The following ZNF155 variants were observed in gnomAD, a reference collection of about 807,000 sequenced individuals.
ZNF155 encodes the protein zinc finger protein 155.
Under a neutral mutation model 11.9 loss-of-function variants are expected in ZNF155, and 15 were observed. The observed-to-expected ratio is 1.26, with a 90% confidence interval of 0.84 to 1.94. ZNF155 has a LOEUF of 1.94. Ranked by LOEUF, ZNF155 falls within the 30% of genes most tolerant of loss-of-function variation. ZNF155 has a pLI of 0.00. For missense variants in ZNF155, 602 were observed against 639.1 expected (o/e 0.94, Z 0.63); for synonymous variants, 212 against 219.9 (o/e 0.96, Z 0.32).
chr19:43,988,185 A>C (rs1238489165), intron 1 of ZNF155, among the ~76,000 whole-genome samples: 2 of 152,162 alleles, frequency 1.3e-5, no homozygotes, highest in African/African-American at 4.8e-5. Flanking sequence ...TTCTCTCTAT[A>C]TACCATTATC....
At chr19:43,990,016 C>A (rs962373627) in intron 2 of ZNF155, 16 of 1,462,222 alleles carry the variant, frequency 1.1e-5, no homozygotes, top group African/African-American at 2.9e-5. Context: ...ATTTGTTCCC[C>A]AAATCAGATT....
chr19:43,988,335 C>A (rs391267), intron 1 of ZNF155, 124 bp from the exon 2 acceptor site: 1 of 419,362 alleles, frequency 2.4e-6, no homozygotes, highest in Non-Finnish European at 4.3e-6. Flanking sequence ...GATACACCAC[C>A]ATTTGCCTAT....
intron 4 of ZNF155, among the ~76,000 whole-genome samples, chr19:43,993,661 G>A (rs936831178): frequency 3.3e-5 from 5 of 152,102 alleles, no homozygotes; most frequent in African/African-American, 4.8e-5. Flanking sequence ...TGATCCACCC[G>A]CCTCGGCCTC....
Position 43,988,487 on chromosome 19 carries a change from CCTT to C in ZNF155, c.-55_-53del. On this transcript the variant is annotated 5_prime_UTR_variant, in exon 2 of 5. Coordinates refer to ENST00000270014, the MANE Select transcript of ZNF155 (RefSeq NM_198089.3). ...GTGGCACGTTTCAGGCAGGATTCCT[CCTT>C]CATTCAAACTGCATCACCCAGGAGT... 2 of 1,569,132 alleles carry C rather than the reference CCTT, an allele frequency of 1.3e-6. No individual in the cohort carries two copies. The highest frequency in any genetic ancestry group is 2.3e-5 in the East Asian group (1 of 44,290).
chr19:43,991,800 AG>A (rs1207404184), intron 3 of ZNF155, 41 bp from the exon 4 acceptor site: 1 of 1,607,948 alleles, frequency 6.2e-7, no homozygotes, highest in Admixed American at 1.7e-5. Context: ...AATATTACCC[AG>A]AATGTGTTGG....
At chr19:43,988,095 T>C (rs1975522918) in intron 1 of ZNF155, among the ~76,000 whole-genome samples, 1 of 152,208 alleles carries the variant, frequency 6.6e-6, no homozygotes, top group Non-Finnish European at 1.5e-5. Context: ...GAGACCAGCT[T>C]GGACAACATA....
chr19:43,987,239 A>G (rs1193989912), intron 1 of ZNF155, among the ~76,000 whole-genome samples: 2 of 152,158 alleles, frequency 1.3e-5, no homozygotes, highest in Non-Finnish European at 2.9e-5. Context: ...TTTTTCATTT[A>G]TAGTCCTCAC....
In ZNF155 at chr19:43,991,462, A is replaced by T. The variant is rs548363292; in HGVS notation, c.16-86A>T. On this transcript the variant is annotated intron_variant, in intron 2 of 4. Transcript: ENST00000270014. ...CCCTCAATACTGAGAACAACTTTCCACTCATCCCCTTCCCCTGCTCAATGC... is the reference window on the plus strand; with the variant it reads ...CCCTCAATACTGAGAACAACTTTCCTCTCATCCCCTTCCCCTGCTCAATGC... The T allele has an allele frequency of 8.1e-6, 13 of 1,598,778 alleles. No individual in the cohort carries two copies. In the East Asian group the frequency reaches 2.9e-4, roughly 36 times the overall value.
intron 4 of ZNF155, among the ~76,000 whole-genome samples, chr19:43,992,327 A>G (rs36044624): frequency 0.11 from 17,484 of 152,204 alleles, 1,238 homozygotes; most frequent in East Asian, 0.19. Context: ...TGTCCTGCCA[A>G]GGACACTGTA....
chr19:43,997,758 G>T lies in ZNF155; in HGVS notation c.*284G>T. 1 of 325,544 alleles carries T rather than the reference G, an allele frequency of 3.1e-6. No individual in the cohort carries two copies. Among genetic ancestry groups the T allele is most frequent in the Non-Finnish European group, 5.6e-6 (1 of 179,070 alleles). 20.2% of individuals were successfully genotyped at this position (325,544 alleles called of 1,614,324 possible). ...TAAGGGAACTAGCACAGGGGATTGT[G>T]CCTGGAGACATGCCCATGGCTGCAC... On this transcript the variant is annotated 3_prime_UTR_variant, in exon 5 of 5. Coordinates refer to ENST00000270014, the MANE Select transcript of ZNF155 (RefSeq NM_198089.3).
At chr19:43,994,006 T>G (rs1195941548) in intron 4 of ZNF155, among the ~76,000 whole-genome samples, 1 of 152,238 alleles carries the variant, frequency 6.6e-6, no homozygotes, top group Non-Finnish European at 1.5e-5. Flanking sequence ...AATGACCACT[T>G]TCCTGCTTGT....
chr19:43,986,592 G>A (rs1402701365), intron 1 of ZNF155, among the ~76,000 whole-genome samples: 2 of 151,936 alleles, frequency 1.3e-5, no homozygotes, highest in Non-Finnish European at 2.9e-5. Context: ...TGGGACTACA[G>A]GTGCCGGCCA....
At position 43,990,224 on chromosome 19, in the gene ZNF155, AGT is replaced by A; in HGVS notation, c.16-1323_16-1322del. 9.9e-6 allele frequency: 3 copies of A among 304,444 alleles called. No homozygotes were observed. The East Asian group carries it at 3.9e-4, about 40-fold the overall frequency. 18.9% of individuals were successfully genotyped at this position (304,444 alleles called of 1,614,324 possible). ...AAATTATTATTTTAAACAATGAGAG[AGT>A]AAGATGTTCTTACATCTTGCTACAT... On this transcript the variant is annotated intron_variant, in intron 2 of 4. Coordinates refer to ENST00000270014, the MANE Select transcript of ZNF155 (RefSeq NM_198089.3).
rs758819588 is a variant in ZNF155, at chr19:43,991,827, C to G, written c.143-15C>G. ...AATGTGTTGGGATTCAGCACGTGAC[C>G]TTACCTATTCACAGGGCATCAACCG... On this transcript the variant is annotated splice_polypyrimidine_tract_variant and intron_variant, in intron 3 of 4. Coordinates refer to ENST00000270014, the MANE Select transcript of ZNF155 (RefSeq NM_198089.3). 6.2e-7 allele frequency: 1 copy of G among 1,611,898 alleles called. No individual in the cohort carries two copies. Among genetic ancestry groups the G allele is most frequent in the South Asian group, 1.1e-5 (1 of 90,798 alleles).
chr19:43,997,053 G>T lies in ZNF155; in HGVS notation c.1196G>T (p.Ser399Ile), dbSNP rs550090800. 3.7e-6 allele frequency: 6 copies of T among 1,613,752 alleles called. No homozygotes were observed. Among genetic ancestry groups the T allele is most frequent in the East Asian group, 4.5e-5 (2 of 44,890 alleles). ...NHQRVHSGEK[S>I]FKCEECGKGF... ...CAGCGAGTCCACAGTGGAGAAAAAA[G>T]CTTCAAATGTGAAGAATGTGGAAAG... Residue 399 changes from serine to isoleucine, a missense_variant, in exon 5 of 5, where the codon AGC (serine) becomes ATC (isoleucine). By Grantham distance (142) the Ser-to-Ile change is moderately radical (BLOSUM62 -2). Coordinates refer to ENST00000270014, the MANE Select transcript of ZNF155 (RefSeq NM_198089.3).
chr19:43,991,180 G>A (rs1394214469), intron 2 of ZNF155, among the ~76,000 whole-genome samples: 1 of 152,184 alleles, frequency 6.6e-6, no homozygotes, highest in Non-Finnish European at 1.5e-5. Context: ...GTACGAGAGA[G>A]GAGGACCCAA....
intron 1 of ZNF155, among the ~76,000 whole-genome samples, chr19:43,986,336 A>G (rs1423486239): frequency 2.6e-5 from 4 of 152,030 alleles, no homozygotes; most frequent in Non-Finnish European, 5.9e-5. Flanking sequence ...ATAATATCTT[A>G]ATGTGTTTTC....
Position 43,997,247 on chromosome 19 carries a change from A to G in ZNF155, c.1390A>G (p.Asn464Asp), listed in dbSNP as rs1238903347. Residue 464 changes from asparagine (N) to aspartate (D), a missense_variant, in exon 5 of 5, where the codon AAC (asparagine) becomes GAC (aspartate). Physicochemically the swap from Asn to Asp is conservative, Grantham distance 23. Transcript: ENST00000270014. ...RPYNCKECGK[N>D]FSRASSILNH... The stretch of plus-strand genomic sequence containing the variant: ...TTATAATTGTAAGGAATGTGGGAAG[A>G]ACTTTAGCCGGGCCTCAAGTATTTT... 1 of 1,614,152 alleles carries G rather than the reference A, an allele frequency of 6.2e-7. No homozygotes were observed. The highest frequency in any genetic ancestry group is 8.5e-7 in the Non-Finnish European group (1 of 1,180,024).
chr19:43,996,893 T>C lies in ZNF155; in HGVS notation c.1036T>C (p.Cys346Arg). The change falls in exon 5 of 5, where the codon TGT (cysteine) becomes CGT (arginine). Residue 346 changes from cysteine to arginine, a missense_variant. Transcript: ENST00000270014. The part of the protein sequence containing the change: ...MVHTGEKPYR[C>R]EQCGKGFIGR... ...CCACACAGGAGAGAAACCGTACAGA[T>C]GTGAGCAGTGTGGAAAAGGCTTTAT... The C allele has an allele frequency of 6.2e-7, 1 of 1,614,148 alleles. No individual in the cohort carries two copies. The highest frequency in any genetic ancestry group is 8.5e-7 in the Non-Finnish European group (1 of 1,180,006).
Sources: gnomAD v4.1 joint callset for allele counts (sites outside exome capture counted in the v4.1 genomes callset) on GRCh38, gnomAD v4.1.1 for gene constraint, MANE v1.5 for transcripts, NCBI Gene and HGNC (gene_info 2026-07-23, HGNC 2026-07-21) for gene names.